The following FAM120A variants were observed in gnomAD, a reference collection of about 807,000 sequenced individuals.
FAM120A encodes constitutive coactivator of PPAR-gamma-like protein 1.
In FAM120A, 15 loss-of-function variants were observed where a neutral mutation model predicts 109.7. That is an observed-to-expected ratio of 0.14 (90% CI 0.09 to 0.21). FAM120A has a LOEUF of 0.21. FAM120A is among the 10% of genes least tolerant of loss of function. The pLI, the probability that FAM120A is intolerant of heterozygous loss-of-function variation, is 1.00. For synonymous variants in FAM120A, 493 were observed against 572.8 expected (o/e 0.86, Z 1.99); for missense variants, 899 against 1,439.3 (o/e 0.62, Z 6.07).
chr9:93,505,624 A>G lies in FAM120A; in HGVS notation c.1030+6738A>G, dbSNP rs1860017287. ...TGTCATGTCTGAGATTTGCTTCACA[A>G]TAATGCAGTAGTGGGCAAAGAAGGG... On this transcript the variant is annotated intron_variant, in intron 5 of 17. Coordinates refer to ENST00000277165, the MANE Select transcript of FAM120A (RefSeq NM_014612.5). Among the ~76,000 whole-genome samples the G allele has an allele frequency of 2.6e-5, 4 of 152,324 alleles. No individual in the cohort carries two copies. In the South Asian group the frequency reaches 6.2e-4, roughly 24 times the overall value.
chr9:93,487,509 G>T (rs1337593059), intron 3 of FAM120A, among the ~76,000 whole-genome samples: 1 of 152,120 alleles, frequency 6.6e-6, no homozygotes, highest in East Asian at 1.9e-4. Context: ...TCTATTATTA[G>T]ATATATGATC....
intron 10 of FAM120A, among the ~76,000 whole-genome samples, chr9:93,536,810 A>G (rs1861536018): frequency 6.6e-6 from 1 of 152,246 alleles, no homozygotes; most frequent in Non-Finnish European, 1.5e-5. Flanking sequence ...GTCACGTTGT[A>G]TTCTGTGCTG....
intron 7 of FAM120A, among the ~76,000 whole-genome samples, chr9:93,521,666 A>G (rs1480100938): frequency 6.6e-6 from 1 of 152,176 alleles, no homozygotes; most frequent in Non-Finnish European, 1.5e-5. Flanking sequence ...TTGTTAGAAC[A>G]GTAGAGCAGT....
chr9:93,472,776 C>T (rs1445880961), intron 2 of FAM120A, among the ~76,000 whole-genome samples: 2 of 152,140 alleles, frequency 1.3e-5, no homozygotes, highest in Non-Finnish European at 2.9e-5. Context: ...TTCAAAGAGA[C>T]ACTTTTCAAT....
chr9:93,476,372 A>G, intron 3 of FAM120A, 34 bp downstream of exon 3: 1 of 1,377,330 alleles, frequency 7.3e-7, no homozygotes, highest in African/African-American at 1.4e-5. Flanking sequence ...TAGCATTTGT[A>G]ATAATCAACT....
Position 93,493,729 on chromosome 9 carries a change from G to A in FAM120A, c.805-3742G>A, listed in dbSNP as rs1249716579. Among the ~76,000 whole-genome samples, 14 of 152,188 alleles carry A rather than the reference G, an allele frequency of 9.2e-5. 2 individuals carry two copies. The highest frequency in any genetic ancestry group is 3.4e-4 in the African/African-American group (14 of 41,460). On this transcript the variant is annotated intron_variant, in intron 3 of 17. Coordinates refer to ENST00000277165, the MANE Select transcript of FAM120A (RefSeq NM_014612.5). ...TCACATGGTGACCTGCCTCCCTCCT[G>A]GGGGCCCAGTGTCCTCCTGGGGGCT...
At chr9:93,528,155 A>G (rs867611885) in intron 8 of FAM120A, among the ~76,000 whole-genome samples, 1 of 152,238 alleles carries the variant, frequency 6.6e-6, no homozygotes, top group African/African-American at 2.4e-5. Context: ...TTGTGGATAC[A>G]TATTATTTTC....
At chr9:93,463,163 A>G (rs1857868677) in intron 1 of FAM120A, among the ~76,000 whole-genome samples, 1 of 152,080 alleles carries the variant, frequency 6.6e-6, no homozygotes. Context: ...TTCTCCATAT[A>G]TTCTTGTTGA....
In FAM120A at chr9:93,452,443, C is replaced by T. The variant is rs776773791; in HGVS notation, c.474+54C>T. The T allele has an allele frequency of 2.1e-5, 32 of 1,560,190 alleles. No homozygotes were observed. In the South Asian group the frequency reaches 3.5e-4, roughly 17 times the overall value. On this transcript the variant is annotated intron_variant, in intron 1 of 17. Transcript: ENST00000277165. This position sits in a 1 kb window ranked among gnomAD's most constrained non-coding sequence, Gnocchi z 7.0. ...GACCGGGGCCGCGCCGCACCCCTAT[C>T]CCCCTTCCCAGGGCGCAGAATGTCG... is the stretch of plus-strand genomic sequence containing the variant.
At chr9:93,561,348 A>G in intron 16 of FAM120A, 98 bp downstream of exon 16, 1 of 1,040,334 alleles carries the variant, frequency 9.6e-7, no homozygotes, top group Non-Finnish European at 1.4e-6. Flanking sequence ...TTTTTATATC[A>G]TTAGATACAT....
intron 7 of FAM120A, among the ~76,000 whole-genome samples, chr9:93,518,705 A>G (rs564350418): frequency 2.3e-3 from 355 of 152,256 alleles, no homozygotes; most frequent in African/African-American, 8.3e-3. Context: ...GGAGCACCAG[A>G]GCAAAGGAGG....
At chr9:93,541,177 C>T (rs1022114719) in intron 10 of FAM120A, among the ~76,000 whole-genome samples, 1 of 151,864 alleles carries the variant, frequency 6.6e-6, no homozygotes, top group African/African-American at 2.4e-5. Context: ...TATGTGTTTG[C>T]GAGGTGTGGT....
chr9:93,522,867 A>G (rs1410956152), intron 7 of FAM120A, among the ~76,000 whole-genome samples: 1 of 152,224 alleles, frequency 6.6e-6, no homozygotes, highest in Non-Finnish European at 1.5e-5. Flanking sequence ...TGGACTGTGA[A>G]AGATGAACCA....
chr9:93,504,216 T>C (rs530244808), intron 5 of FAM120A, among the ~76,000 whole-genome samples: 1 of 152,124 alleles, frequency 6.6e-6, no homozygotes, highest in African/African-American at 2.4e-5. Flanking sequence ...ATAAGAAGAA[T>C]GTGGTTGAAG....
intron 17 of FAM120A, 67 bp downstream of exon 17, chr9:93,562,371 A>G (rs1172468964): frequency 3.3e-6 from 4 of 1,212,962 alleles, no homozygotes; most frequent in Non-Finnish European, 4.9e-6. Context: ...CTGAGCTTGC[A>G]CTTCTAGTAC....
chr9:93,478,623 C>T (rs1219895013), intron 3 of FAM120A, among the ~76,000 whole-genome samples: 3 of 152,088 alleles, frequency 2.0e-5, no homozygotes, highest in African/African-American at 7.2e-5. Context: ...ATTACAGGCG[C>T]CTGCCACCAC....
chr9:93,479,330 C>T (rs1195889156), intron 3 of FAM120A, among the ~76,000 whole-genome samples: 1 of 152,010 alleles, frequency 6.6e-6, no homozygotes, highest in Non-Finnish European at 1.5e-5. Context: ...GATCTCCTGA[C>T]CTCGTGATCC....
intron 10 of FAM120A, among the ~76,000 whole-genome samples, chr9:93,535,102 G>A (rs1398189771): frequency 6.6e-6 from 1 of 152,216 alleles, no homozygotes; most frequent in African/African-American, 2.4e-5. Context: ...GCAGTGTGCA[G>A]CAGGCAGTGA....
rs117809562 is a variant in FAM120A, at chr9:93,529,836, A to C, written c.1734+256A>C. On this transcript the variant is annotated intron_variant, in intron 9 of 17. Coordinates refer to ENST00000277165, the MANE Select transcript of FAM120A (RefSeq NM_014612.5). Reference sequence around the variant, plus strand: ...GAATATTTTATACTTCTAATGAAATAATGCATCACATTATTTTATGACTTG... The same window carrying C: ...GAATATTTTATACTTCTAATGAAATCATGCATCACATTATTTTATGACTTG... The C allele has an allele frequency of 8.5e-5, 48 of 564,404 alleles. 1 individual carries two copies. In the Middle Eastern group the frequency reaches 2.8e-3, roughly 33 times the overall value. The allele number at this position is 564,404 out of a possible 1,614,324, so 35.0% of individuals were successfully genotyped here. A position where few individuals can be genotyped will look rare whatever the true frequency, so the allele number is the denominator to read the frequency against.
Sources: allele counts gnomAD v4.1 joint callset (sites outside exome capture counted in the v4.1 genomes callset), GRCh38; gene constraint gnomAD v4.1.1; non-coding constraint Gnocchi (gnomAD v3.1); transcripts MANE v1.5; gene names NCBI Gene and HGNC (gene_info 2026-07-23, HGNC 2026-07-21).